Variants in SEC24A observed in about 807,000 individuals in gnomAD.
SEC24A encodes the protein protein transport protein Sec24A.
A neutral mutation model predicts 129.4 loss-of-function variants in SEC24A; 93 were observed. The ratio of observed to expected loss-of-function variants is 0.72; its 90% CI spans 0.61 to 0.85. The LOEUF is 0.85. Among genes scored for constraint, SEC24A ranks in the 40% least tolerant of loss-of-function variants. SEC24A has a pLI of 0.00. For synonymous variants in SEC24A, 460 were observed against 467.3 expected (o/e 0.98, Z 0.20); for missense variants, 1,264 against 1,307.4 (o/e 0.97, Z 0.51).
chr5:134,705,851 T>C (rs1013712263), intron 17 of SEC24A, among the ~76,000 whole-genome samples: 1 of 151,988 alleles, frequency 6.6e-6, no homozygotes, highest in African/African-American at 2.4e-5. Flanking sequence ...TGTCTCTATA[T>C]ATTTATATAT....
intron 1 of SEC24A, among the ~76,000 whole-genome samples, chr5:134,651,542 C>T (rs1273892828): frequency 6.6e-6 from 1 of 151,532 alleles, no homozygotes; most frequent in Non-Finnish European, 1.5e-5. Flanking sequence ...ATGATCCGCC[C>T]ACCCTGGCAT....
At chr5:134,682,839 T>A (rs1751322908) in intron 9 of SEC24A, among the ~76,000 whole-genome samples, 1 of 152,208 alleles carries the variant, frequency 6.6e-6, no homozygotes, top group South Asian at 2.1e-4. Context: ...AGTGCTGGGA[T>A]TACAGGTGTG....
chr5:134,679,512 A>T, intron 7 of SEC24A, 90 bp from the exon 8 acceptor site: 1 of 843,482 alleles, frequency 1.2e-6, no homozygotes, highest in Non-Finnish European at 1.8e-6. Context: ...TAATATCCCA[A>T]CAGTTATTTA....
At chr5:134,662,198 A>G (rs1051090524) in intron 2 of SEC24A, among the ~76,000 whole-genome samples, 4 of 151,968 alleles carry the variant, frequency 2.6e-5, no homozygotes, top group Admixed American at 2.0e-4. Context: ...TCTGTCGCCC[A>G]GGCTGGAGTG....
In SEC24A at chr5:134,726,151, A is replaced by G. The variant is rs1752753727; in HGVS notation, c.*1057A>G. The G allele has an allele frequency of 6.6e-6, 1 of 152,592 alleles. No homozygotes were observed. The highest frequency in any genetic ancestry group is 6.5e-5 in the Admixed American group (1 of 15,276). 9.5% of individuals were successfully genotyped at this position (152,592 alleles called of 1,614,324 possible). A position where few individuals can be genotyped will look rare whatever the true frequency, so the allele number is the denominator to read the frequency against. On this transcript the variant is annotated 3_prime_UTR_variant, in exon 23 of 23. Coordinates refer to ENST00000398844, the MANE Select transcript of SEC24A (RefSeq NM_021982.3). ...TATTAAGATTATACACATCCAACAT[A>G]TTAAAGTTATGAAAGAAACTTGACT...
chr5:134,704,537 T>C (rs1752096293), intron 16 of SEC24A, among the ~76,000 whole-genome samples: 1 of 152,202 alleles, frequency 6.6e-6, no homozygotes, highest in African/African-American at 2.4e-5. Flanking sequence ...TCAGGTGTGG[T>C]GGTCTGTAAA....
Position 134,661,217 on chromosome 5 carries a change from A to G in SEC24A, c.196A>G (p.Thr66Ala), listed in dbSNP as rs1447912157. Residue 66 changes from threonine to alanine, a missense_variant, in exon 2 of 23, where the codon ACT becomes GCT. Coordinates refer to ENST00000398844, the MANE Select transcript of SEC24A (RefSeq NM_021982.3). Reference sequence around the variant, plus strand: ...CTACCCTCATCCAATACCAGCAAAGACTTTGAATCCAGTCTCTGGACAGTC... The same window carrying G: ...CTACCCTCATCCAATACCAGCAAAGGCTTTGAATCCAGTCTCTGGACAGTC... Reference protein sequence around the residue: ...GSYPHPIPAKTLNPVSGQSNY... With the variant: ...GSYPHPIPAKALNPVSGQSNY... 5 of 1,614,020 alleles carry G rather than the reference A, an allele frequency of 3.1e-6. No homozygotes were observed. The African/African-American group carries it at 5.3e-5, about 17-fold the overall frequency.
At position 134,649,032 on chromosome 5, in the gene SEC24A, G is replaced by A. The variant is rs887322938; in HGVS notation, c.-45G>A. ...GCAGTGGTCTTTCAGCTCTCTTCTTGTGCGCTGTTGTCGACCCCGACCAGC... is the reference window on the plus strand; with the variant it reads ...GCAGTGGTCTTTCAGCTCTCTTCTTATGCGCTGTTGTCGACCCCGACCAGC... On this transcript the variant is annotated 5_prime_UTR_variant, in exon 1 of 23. The change creates a new upstream start codon in the 5' untranslated region. Coordinates refer to ENST00000398844, the MANE Select transcript of SEC24A (RefSeq NM_021982.3). 3 of 1,410,450 alleles carry A rather than the reference G, an allele frequency of 2.1e-6. No individual in the cohort carries two copies. The highest frequency in any genetic ancestry group is 3.0e-6 in the Non-Finnish European group (3 of 1,010,432). 87.4% of individuals were successfully genotyped at this position (1,410,450 alleles called of 1,614,324 possible).
At chr5:134,694,503 C>T (rs1384758779) in intron 13 of SEC24A, among the ~76,000 whole-genome samples, 9 of 151,852 alleles carry the variant, frequency 5.9e-5, no homozygotes, top group Non-Finnish European at 1.2e-4. Context: ...AAAAATTAGC[C>T]GGGTGTGGTG....
intron 18 of SEC24A, among the ~76,000 whole-genome samples, chr5:134,710,211 TC>T: frequency 6.7e-6 from 1 of 148,762 alleles, no homozygotes; most frequent in East Asian, 2.0e-4. Flanking sequence ...TTAATCTTCT[TC>T]TTTTTTTTTT....
chr5:134,713,332 G>A (rs1466636404), intron 18 of SEC24A, among the ~76,000 whole-genome samples: 3 of 151,844 alleles, frequency 2.0e-5, no homozygotes, highest in Non-Finnish European at 4.4e-5. Flanking sequence ...TGATCTTCCC[G>A]ATTTAATATG....
intron 20 of SEC24A, among the ~76,000 whole-genome samples, chr5:134,720,510 T>C (rs1277052458): frequency 6.6e-6 from 1 of 152,220 alleles, no homozygotes; most frequent in East Asian, 1.9e-4. Flanking sequence ...CCTTGTTTCA[T>C]GCCAAGCATA....
At chr5:134,660,532 A>G (rs970788694) in intron 1 of SEC24A, among the ~76,000 whole-genome samples, 3 of 151,708 alleles carry the variant, frequency 2.0e-5, no homozygotes, top group African/African-American at 7.3e-5. Flanking sequence ...ATTTATTGAG[A>G]CATCTCTGTA....
At chr5:134,688,712 C>T (rs1327716330) in intron 11 of SEC24A, among the ~76,000 whole-genome samples, 3 of 148,906 alleles carry the variant, frequency 2.0e-5, no homozygotes, top group Non-Finnish European at 4.5e-5. Flanking sequence ...TGGAGTCTCA[C>T]TCTGTCGCCC....
At chr5:134,698,218 G>A (rs1751888760) in intron 15 of SEC24A, among the ~76,000 whole-genome samples, 161 bp downstream of exon 15, 1 of 151,994 alleles carries the variant, frequency 6.6e-6, no homozygotes, top group Non-Finnish European at 1.5e-5. Flanking sequence ...CAAAAAAAGG[G>A]GGCCTATTGA....
upstream of SEC24A, chr5:134,648,483 G>C (rs535049277): frequency 1.9e-4 from 29 of 152,572 alleles, no homozygotes; most frequent in Admixed American, 6.5e-4. Context: ...CCCACCCCAC[G>C]AAAGCGGCTA....
chr5:134,701,446 G>A (rs75272549), intron 15 of SEC24A, among the ~76,000 whole-genome samples: 1 of 151,710 alleles, frequency 6.6e-6, no homozygotes, highest in Admixed American at 6.6e-5. Flanking sequence ...CAAGACAGAG[G>A]CTATTTTTAT....
intron 2 of SEC24A, among the ~76,000 whole-genome samples, chr5:134,666,151 AAAAACAAAC>A (rs1324011897): frequency 2.6e-5 from 4 of 152,194 alleles, no homozygotes; most frequent in Admixed American, 2.0e-4. Context: ...TATTAATAAT[AAAAACAAAC>A]AGGGCAATGT....
intron 15 of SEC24A, among the ~76,000 whole-genome samples, chr5:134,698,267 A>G (rs764748845): frequency 1.8e-4 from 28 of 152,140 alleles, no homozygotes; most frequent in Non-Finnish European, 3.2e-4. Context: ...ATTTTTAAAT[A>G]GAGAATTTTA....
Sources: gnomAD v4.1 joint callset for allele counts (sites outside exome capture counted in the v4.1 genomes callset) on GRCh38, gnomAD v4.1.1 for gene constraint, MANE v1.5 for transcripts, NCBI Gene and HGNC (gene_info 2026-07-23, HGNC 2026-07-21) for gene names.